Variants in ARMC12 observed in about 807,000 individuals in gnomAD.
The protein encoded by ARMC12 is armadillo repeat containing 12.
In ARMC12, 25 loss-of-function variants were observed where a neutral mutation model predicts 37.4. That is an observed-to-expected ratio of 0.67 (90% CI 0.49 to 0.93). The LOEUF is 0.93. ARMC12 is among the 40% of genes least tolerant of loss of function. The pLI, the probability that ARMC12 is intolerant of heterozygous loss-of-function variation, is 0.00. For synonymous variants in ARMC12, 167 were observed against 176.1 expected (o/e 0.95, Z 0.41); for missense variants, 384 against 426.6 (o/e 0.90, Z 0.88).
chr6:35,737,365 A>G (rs12193672), intron 1 of ARMC12, 94 bp downstream of exon 1: 253,347 of 1,613,492 alleles, frequency 0.16, 22,220 homozygotes, highest in Non-Finnish European at 0.17. Flanking sequence ...GATGCCTCCA[A>G]GTTCCTCTTT....
rs370635482 is a variant in ARMC12, at chr6:35,738,178, G to T, written c.309+6G>T. 1.5e-4 allele frequency: 240 copies of T among 1,609,058 alleles called. No individual in the cohort carries two copies. The highest frequency in any genetic ancestry group is 1.8e-4 in the Non-Finnish European group (214 of 1,177,374). ...TGTACTTGCTGGAGGCTGAGGTAAG[G>T]GAAGCAGGAGGTCCCCCCTAGCCGG... On this transcript the variant is annotated splice_donor_region_variant and intron_variant, in intron 2 of 5. Coordinates refer to ENST00000373866, the MANE Select transcript of ARMC12 (RefSeq NM_001286574.2).
chr6:35,747,682 C>T, intron 5 of ARMC12, 35 bp downstream of exon 5: 1 of 1,595,718 alleles, frequency 6.3e-7, no homozygotes, highest in Non-Finnish European at 8.6e-7. Flanking sequence ...TGATGAATGC[C>T]AACTCAGGTA....
intron 3 of ARMC12, among the ~76,000 whole-genome samples, chr6:35,746,063 A>AAATT (rs1767328317): frequency 1.3e-5 from 2 of 148,172 alleles, no homozygotes; most frequent in South Asian, 4.3e-4. Flanking sequence ...AAAATAAAAT[A>AAATT]AAATTAAATT....
At chr6:35,741,654 A>G (rs981059134) in intron 3 of ARMC12, among the ~76,000 whole-genome samples, 1 of 152,122 alleles carries the variant, frequency 6.6e-6, no homozygotes, top group African/African-American at 2.4e-5. Flanking sequence ...TCCTGGCCTC[A>G]AGTGATCTGC....
chr6:35,739,876 A>G (rs1767113718), intron 3 of ARMC12, among the ~76,000 whole-genome samples: 1 of 152,220 alleles, frequency 6.6e-6, no homozygotes, highest in Admixed American at 6.5e-5. Flanking sequence ...GAATTAAATC[A>G]TGTCCAGCTG....
At position 35,747,244 on chromosome 6, in the gene ARMC12, G is replaced by A; in HGVS notation, c.445-17G>A. ...ATCACCTGTAAAAGTAAGCCCTTTTGTTCTCCCCCACTCCAGGAACACTCC... is the reference window on the plus strand; with the variant it reads ...ATCACCTGTAAAAGTAAGCCCTTTTATTCTCCCCCACTCCAGGAACACTCC... On this transcript the variant is annotated splice_polypyrimidine_tract_variant and intron_variant, in intron 3 of 5. Transcript: ENST00000373866. The A allele has an allele frequency of 1.2e-6, 2 of 1,605,622 alleles. No homozygotes were observed. The highest frequency in any genetic ancestry group is 2.2e-5 in the South Asian group (2 of 90,322).
upstream of ARMC12, among the ~76,000 whole-genome samples, chr6:35,732,798 A>G (rs1047739332): frequency 2.0e-5 from 3 of 152,206 alleles, no homozygotes; most frequent in African/African-American, 4.8e-5. Flanking sequence ...TCATTTAGGT[A>G]TTTGTGGGGG....
At chr6:35,743,761 A>C in intron 3 of ARMC12, among the ~76,000 whole-genome samples, 1 of 151,620 alleles carries the variant, frequency 6.6e-6, no homozygotes, top group Admixed American at 6.6e-5. Context: ...GGGGGTGGAT[A>C]AAGGAGTCTG....
chr6:35,733,103 C>T (rs1192960459), upstream of ARMC12, among the ~76,000 whole-genome samples: 3 of 152,050 alleles, frequency 2.0e-5, no homozygotes, highest in Non-Finnish European at 4.4e-5. Flanking sequence ...ACCTGGGAGG[C>T]GGAGGTTGCA....
At position 35,748,844 on chromosome 6, in the gene ARMC12, C is replaced by T. The variant is rs143217349; in HGVS notation, c.997C>T (p.Arg333Cys). The change falls in exon 6 of 6, where the codon CGT (arginine) becomes TGT (cysteine). Residue 333 changes from arginine to cysteine, a missense_variant. By Grantham distance (180) the Arg-to-Cys change is radical. Transcript: ENST00000373866. Reference protein sequence around the residue: ...RARPSSCQPSRSYFKNTE With the variant: ...RARPSSCQPSCSYFKNTE The stretch of plus-strand genomic sequence containing the variant: ...CCGGCCCTCCTCCTGCCAGCCCAGT[C>T]GTTCCTACTTTAAAAACACGGAATA... The T allele has an allele frequency of 1.2e-5, 19 of 1,611,418 alleles. No homozygotes were observed. Among genetic ancestry groups the T allele is most frequent in the South Asian group, 2.2e-5 (2 of 90,860 alleles).
chr6:35,745,313 T>C (rs75842115), intron 3 of ARMC12, among the ~76,000 whole-genome samples: 20,614 of 152,218 alleles, frequency 0.14, 1,809 homozygotes, highest in Non-Finnish European at 0.2. Context: ...AATATTGATA[T>C]GCACAACAAC....
upstream of ARMC12, among the ~76,000 whole-genome samples, chr6:35,734,891 G>A (rs1196731772): frequency 6.6e-6 from 1 of 152,088 alleles, no homozygotes; most frequent in East Asian, 1.9e-4. Flanking sequence ...ACATTCCTTT[G>A]TCTTTAATTT....
chr6:35,745,307 T>C (rs1767304028), intron 3 of ARMC12, among the ~76,000 whole-genome samples: 2 of 152,172 alleles, frequency 1.3e-5, no homozygotes, highest in African/African-American at 4.8e-5. Flanking sequence ...GAATATAATA[T>C]TGATATGCAC....
rs565465771 is a variant in ARMC12 at position 35,740,931 on chromosome 6, G to A, written c.444+2413G>A. Among the ~76,000 whole-genome samples, 230 of 131,364 alleles carry A rather than the reference G, an allele frequency of 1.8e-3. 1 individual carries two copies. Among genetic ancestry groups the A allele is most frequent in the African/African-American group, 6.5e-3 (217 of 33,386 alleles). 86.2% of individuals were successfully genotyped at this position (131,364 alleles called of 152,430 possible). A position where few individuals can be genotyped will look rare whatever the true frequency, so the allele number is the denominator to read the frequency against. On this transcript the variant is annotated intron_variant, in intron 3 of 5. Transcript: ENST00000373866. ...TTTTTTTTTTTTGAGACAGGGTCTC[G>A]TTCTGTCGCCCAGGCTGGAGTGCAG...
Position 35,738,088 on chromosome 6 carries a change from C to G in ARMC12, c.225C>G (p.Asn75Lys). ...RDSGELRRLL[N>K]SLECKQDEYA... Reference sequence around the variant, plus strand: ...CAGGTGAGCTCCGGAGGCTCCTCAACTCTTTGGAGTGCAAACAGGATGAGT... The same window carrying G: ...CAGGTGAGCTCCGGAGGCTCCTCAAGTCTTTGGAGTGCAAACAGGATGAGT... Residue 75 changes from asparagine (N) to lysine (K), a missense_variant, in exon 2 of 6, where the codon AAC becomes AAG. Coordinates refer to ENST00000373866, the MANE Select transcript of ARMC12 (RefSeq NM_001286574.2). 6.2e-7 allele frequency: 1 copy of G among 1,614,090 alleles called. No individual in the cohort carries two copies. The highest frequency in any genetic ancestry group is 8.5e-7 in the Non-Finnish European group (1 of 1,180,032).
intron 1 of ARMC12, 107 bp from the exon 2 acceptor site, chr6:35,737,919 GA>G: frequency 6.5e-7 from 1 of 1,537,624 alleles, no homozygotes; most frequent in Non-Finnish European, 8.9e-7. Context: ...AGGCTTCTCC[GA>G]AAAGGCAAGG....
chr6:35,748,696 C>T lies in ARMC12; in HGVS notation c.849C>T (p.Leu283=), dbSNP rs1767415053. 2.5e-6 allele frequency: 4 copies of T among 1,614,070 alleles called. No individual in the cohort carries two copies. The highest frequency in any genetic ancestry group is 3.4e-6 in the Non-Finnish European group (4 of 1,180,040). ...HYNEQSLHES[L]FGEESRLADR... is the part of the protein sequence containing the mutation. The stretch of plus-strand genomic sequence containing the variant: ...ACGAACAGTCCCTGCATGAATCCCT[C>T]TTTGGGGAAGAGTCCCGACTGGCAG... The change falls in exon 6 of 6, where the codon CTC becomes CTT. Residue 283 remains leucine (L), a synonymous_variant. Coordinates refer to ENST00000373866, the MANE Select transcript of ARMC12 (RefSeq NM_001286574.2).
upstream of ARMC12, among the ~76,000 whole-genome samples, chr6:35,735,549 G>A (rs1766938816): frequency 6.6e-6 from 1 of 152,162 alleles, no homozygotes; most frequent in Non-Finnish European, 1.5e-5. The surrounding 1 kb of genome is among the most constrained non-coding windows in gnomAD (Gnocchi z 4.0). Context: ...CTTCCATCCT[G>A]GGTGCAGCCC....
Position 35,748,904 on chromosome 6 carries a change from G to GA in ARMC12, c.*37dup. On this transcript the variant is annotated 3_prime_UTR_variant, in exon 6 of 6. Transcript: ENST00000373866. ...AGAGCCAATAAATGAGTATAGGAGA[G>GA]AAACTTGAAGTTTCTTGAAGCTCGA... 6.5e-7 allele frequency: 1 copy of GA among 1,549,818 alleles called. No individual in the cohort carries two copies. Among genetic ancestry groups the GA allele is most frequent in the Non-Finnish European group, 8.7e-7 (1 of 1,148,216 alleles).
Sources: gnomAD v4.1 joint callset for allele counts (sites outside exome capture counted in the v4.1 genomes callset) on GRCh38, gnomAD v4.1.1 for gene constraint, Gnocchi (gnomAD v3.1) non-coding constraint, MANE v1.5 for transcripts, NCBI Gene and HGNC (gene_info 2026-07-23, HGNC 2026-07-21) for gene names.